The following UAP1 variants were observed in gnomAD, a reference collection of about 807,000 sequenced individuals.
UAP1 encodes the protein UDP-N-acetylhexosamine pyrophosphorylase.
A neutral mutation model predicts 58.5 loss-of-function variants in UAP1; 25 were observed. That is an observed-to-expected ratio of 0.43 (90% CI 0.31 to 0.60). The LOEUF is 0.60. UAP1 is among the 20% of genes least tolerant of loss of function. The pLI is 0.11. For missense variants in UAP1, 575 were observed against 630.0 expected (o/e 0.91, Z 0.93); for synonymous variants, 208 against 213.0 (o/e 0.98, Z 0.21).
At position 162,576,865 on chromosome 1, in the gene UAP1, G is replaced by C. The variant is rs745719142; in HGVS notation, c.369G>C (p.Gly123=). The change falls in exon 3 of 11, where the codon GGG becomes GGC. Residue 123 remains glycine, a synonymous_variant. Transcript: ENST00000271469. ...GACTCGGCGTTGCATATCCTAAGGG[G>C]ATGTATGATGTTGGTTTGCCATCCC... 21 of 1,613,990 alleles carry C rather than the reference G, an allele frequency of 1.3e-5. 1 individual carries two copies. The highest frequency in any genetic ancestry group is 1.7e-5 in the Non-Finnish European group (20 of 1,180,032).
At chr1:162,590,294 A>T in intron 7 of UAP1, 29 bp from the exon 8 acceptor site, 1 of 1,580,556 alleles carries the variant, frequency 6.3e-7, no homozygotes, top group Non-Finnish European at 8.6e-7. Flanking sequence ...GTTTCATAAT[A>T]AAGAGGTCTT....
intron 7 of UAP1, among the ~76,000 whole-genome samples, chr1:162,589,164 A>ATAAATATATATATAATATATATTAT (rs1335524710): frequency 3.0e-5 from 3 of 100,788 alleles, no homozygotes; most frequent in African/African-American, 8.2e-5. Flanking sequence ...TATTATATAT[A>ATAAATATATATATAATATATATTAT]ATATATAAAT....
At chr1:162,583,084 C>A (rs1239814054) in intron 5 of UAP1, among the ~76,000 whole-genome samples, 1 of 149,810 alleles carries the variant, frequency 6.7e-6, no homozygotes, top group African/African-American at 2.5e-5. Context: ...TTCAGTGATT[C>A]TCCTGCCTCA....
At chr1:162,601,111 T>C (rs2101858520), downstream of UAP1, among the ~76,000 whole-genome samples, 1 of 152,316 alleles carries the variant, frequency 6.6e-6, no homozygotes, top group South Asian at 2.1e-4. Flanking sequence ...CTCTGAGCCA[T>C]GAAATGATAA....
intron 5 of UAP1, among the ~76,000 whole-genome samples, chr1:162,584,700 C>T (rs1654801589): frequency 1.3e-5 from 2 of 152,084 alleles, no homozygotes; most frequent in African/African-American, 4.8e-5. Context: ...CCAGGCTGGT[C>T]TTGAAATCCT....
chr1:162,599,391 A>G (rs766751024), exon 11 of UAP1: 27 of 1,474,982 alleles, frequency 1.8e-5, no homozygotes, highest in Non-Finnish European at 2.5e-5. Flanking sequence ...GTTTGCCACG[A>G]TAGGAATAGC....
At chr1:162,580,432 A>T (rs1654512119) in intron 4 of UAP1, among the ~76,000 whole-genome samples, 1 of 152,230 alleles carries the variant, frequency 6.6e-6, no homozygotes, top group Admixed American at 6.5e-5. Flanking sequence ...TAGTGCATAC[A>T]CATCATGGTT....
intron 2 of UAP1, among the ~76,000 whole-genome samples, chr1:162,574,847 C>A (rs548581340): frequency 1.3e-5 from 2 of 151,590 alleles, no homozygotes; most frequent in East Asian, 3.9e-4. Context: ...TTTATAGTTA[C>A]ATTTATTTGC....
chr1:162,592,251 A>G (rs941952427), intron 8 of UAP1, among the ~76,000 whole-genome samples: 12 of 152,114 alleles, frequency 7.9e-5, no homozygotes, highest in Non-Finnish European at 1.6e-4. Context: ...TTAGCTGGGC[A>G]TGGTAGCGCA....
chr1:162,576,907 G>T, exon 3 of UAP1: 1 of 1,614,136 alleles, frequency 6.2e-7, no homozygotes, highest in Non-Finnish European at 8.5e-7. Context: ...CACTTTTTCA[G>T]ATTCAAGCAG....
intron 9 of UAP1, among the ~76,000 whole-genome samples, chr1:162,594,573 A>G (rs78429934): frequency 0.012 from 1,894 of 152,270 alleles, 28 homozygotes; most frequent in East Asian, 0.049. Context: ...AGAGCCCTTT[A>G]TCACTTTCTG....
intron 6 of UAP1, 107 bp from the exon 7 acceptor site, chr1:162,588,586 G>A (rs1225342987): frequency 2.1e-5 from 25 of 1,193,986 alleles, no homozygotes; most frequent in Non-Finnish European, 2.9e-5. Context: ...TCTTCACTTT[G>A]AAAATCTTAG....
intron 7 of UAP1, among the ~76,000 whole-genome samples, chr1:162,589,151 ATATAT>A (rs1320572583): frequency 1.7e-4 from 16 of 92,416 alleles, no homozygotes; most frequent in African/African-American, 5.7e-4. Context: ...TTTATATAAT[ATATAT>A]TATATATAAT....
chr1:162,585,798 A>G (rs1242892664), intron 5 of UAP1, among the ~76,000 whole-genome samples: 8 of 149,680 alleles, frequency 5.3e-5, no homozygotes, highest in Admixed American at 2.0e-4. Context: ...AAAAAAAAAG[A>G]GAGAGAATAA....
Position 162,561,704 on chromosome 1 carries a change from C to T in UAP1, c.-131C>T, listed in dbSNP as rs28384483. 17,319 of 152,292 alleles carry T rather than the reference C, an allele frequency of 0.11. 1,318 individuals carry two copies. Among genetic ancestry groups the T allele is most frequent in the East Asian group, 0.27 (1,376 of 5,106 alleles). The allele number at this position is 152,292 out of a possible 1,614,324, so 9.4% of individuals were successfully genotyped here. ...CCCGGATGAGGGTATATATTCGGAG[C>T]GAGCGCGGGACGCCGATGAGTGGCC... On this transcript the variant is annotated 5_prime_UTR_variant, in exon 1 of 11. Transcript: ENST00000271469.
chr1:162,590,549 C>G (rs1344684413), intron 8 of UAP1, 38 bp downstream of exon 8: 2 of 1,522,552 alleles, frequency 1.3e-6, no homozygotes, highest in South Asian at 1.3e-5. Context: ...TGAATCCTTT[C>G]TTGGACTTTT....
At chr1:162,566,792 A>C (rs772567762) in intron 2 of UAP1, among the ~76,000 whole-genome samples, 4 of 151,954 alleles carry the variant, frequency 2.6e-5, no homozygotes, top group Non-Finnish European at 4.4e-5. Context: ...ACGCCTGGCT[A>C]ATTTTTGTAT....
At chr1:162,580,778 A>C (rs749369527) in intron 4 of UAP1, among the ~76,000 whole-genome samples, 9 of 152,234 alleles carry the variant, frequency 5.9e-5, no homozygotes, top group Admixed American at 3.9e-4. Context: ...AGATGGAGAA[A>C]GAAGAGGCTT....
At chr1:162,573,635 A>C (rs1429167804) in intron 2 of UAP1, among the ~76,000 whole-genome samples, 2 of 152,136 alleles carry the variant, frequency 1.3e-5, no homozygotes, top group African/African-American at 4.8e-5. Context: ...AATTATGAAA[A>C]TACATAATGT....
Sources: allele counts gnomAD v4.1 joint callset (sites outside exome capture counted in the v4.1 genomes callset), GRCh38; gene constraint gnomAD v4.1.1; transcripts MANE v1.5; gene names NCBI Gene and HGNC (gene_info 2026-07-23, HGNC 2026-07-21).